The following TBCK variants were observed in gnomAD, a reference collection of about 807,000 sequenced individuals.
The protein encoded by TBCK is TBC domain-containing protein kinase-like protein.
In TBCK, 99 loss-of-function variants were observed where a neutral mutation model predicts 113.4. The ratio of observed to expected loss-of-function variants is 0.87; its 90% confidence interval spans 0.74 to 1.03. The LOEUF (loss-of-function observed/expected upper bound fraction) is 1.03, where lower values mean the gene tolerates loss of function less well. Ranked by LOEUF, TBCK falls within the 50% of genes least tolerant of loss-of-function variation. The pLI is 0.00. For synonymous variants in TBCK, 369 were observed against 370.8 expected (o/e 1.00, Z 0.05); for missense variants, 1,045 against 1,061.3 (o/e 0.98, Z 0.21).
intron 19 of TBCK, 82 bp from the exon 20 acceptor site, chr4:106,212,917 C>A: frequency 1.1e-6 from 1 of 880,460 alleles, no homozygotes; most frequent in Non-Finnish European, 1.8e-6. Context: ...TTTATTTATA[C>A]ATTGAATGAG....
chr4:106,199,717 G>A (rs1754667706), intron 20 of TBCK, among the ~76,000 whole-genome samples: 2 of 152,086 alleles, frequency 1.3e-5, no homozygotes, highest in South Asian at 4.2e-4. Context: ...CTCACACACT[G>A]TATATTTGTC....
intron 23 of TBCK, among the ~76,000 whole-genome samples, chr4:106,164,993 A>T (rs375395351): frequency 2.6e-5 from 4 of 151,476 alleles, no homozygotes; most frequent in East Asian, 1.9e-4. Flanking sequence ...TAAAAAAATT[A>T]ATTTAATAAA....
intron 19 of TBCK, among the ~76,000 whole-genome samples, chr4:106,214,416 T>C (rs570588082): frequency 2.6e-5 from 4 of 151,950 alleles, no homozygotes; most frequent in Admixed American, 6.6e-5. Context: ...CAAATTACTC[T>C]GAGCTACGGG....
At position 106,194,744 on chromosome 4, in the gene TBCK, A is replaced by G; in HGVS notation, c.1871T>C (p.Ile624Thr). Residue 624 changes from isoleucine to threonine, a missense_variant, in exon 21 of 26, where the codon ATC becomes ACC. Transcript: ENST00000394708. ...AGTAAACATGGTAAGAAACCAAGGG[A>G]TGGCATAGAGCTATGAGTGGAAAAA... ...EIGFIPDLYAIPWFLTMFTHV... is the reference protein window; with the variant it reads ...EIGFIPDLYATPWFLTMFTHV... 1.9e-6 allele frequency: 3 copies of G among 1,586,408 alleles called. No homozygotes were observed. The highest frequency in any genetic ancestry group is 1.2e-5 in the South Asian group (1 of 86,274).
chr4:106,161,133 A>C (rs1579086170), intron 23 of TBCK, among the ~76,000 whole-genome samples: 1 of 152,200 alleles, frequency 6.6e-6, no homozygotes, highest in East Asian at 1.9e-4. Flanking sequence ...TGATGGTTGC[A>C]CAACATTATG....
At chr4:106,191,923 T>G (rs1034874388) in intron 22 of TBCK, among the ~76,000 whole-genome samples, 1 of 152,176 alleles carries the variant, frequency 6.6e-6, no homozygotes, top group Non-Finnish European at 1.5e-5. Context: ...AATTTCATTT[T>G]TAAGGCCTAA....
At chr4:106,242,625 C>G in intron 11 of TBCK, 56 bp from the exon 12 acceptor site, 1 of 1,274,906 alleles carries the variant, frequency 7.8e-7, no homozygotes, top group Non-Finnish European at 1.1e-6. Context: ...ATTGTTTCTT[C>G]TAGAAAGTAA....
chr4:106,179,893 A>G (rs1226990279), intron 22 of TBCK, among the ~76,000 whole-genome samples: 2 of 151,924 alleles, frequency 1.3e-5, no homozygotes, highest in Non-Finnish European at 2.9e-5. Context: ...AGGTTAATTA[A>G]TATTTGTTTT....
chr4:106,316,406 GT>G, upstream of TBCK: 1 of 761,242 alleles, frequency 1.3e-6, no homozygotes, highest in South Asian at 1.6e-5. Context: ...GACGAGGAGC[GT>G]GGTATGGCAG....
intron 1 of TBCK, among the ~76,000 whole-genome samples, chr4:106,312,626 A>G (rs531978633): frequency 2.6e-5 from 4 of 152,324 alleles, no homozygotes; most frequent in Admixed American, 2.6e-4. Flanking sequence ...ACATTTGTCC[A>G]TAAAAAAAAA....
intron 24 of TBCK, among the ~76,000 whole-genome samples, chr4:106,107,951 A>AC (rs1742372904): frequency 1.3e-5 from 2 of 152,152 alleles, no homozygotes; most frequent in South Asian, 4.1e-4. Flanking sequence ...GTAACCACTG[A>AC]CCCCACAGAA....
At chr4:106,277,064 T>C (rs557984198) in intron 3 of TBCK, among the ~76,000 whole-genome samples, 1 of 152,196 alleles carries the variant, frequency 6.6e-6, no homozygotes, top group South Asian at 2.1e-4. Flanking sequence ...TGTGATGATA[T>C]GAATACCTAA....
At chr4:106,103,946 C>A (rs1301751684) in intron 24 of TBCK, among the ~76,000 whole-genome samples, 1 of 152,178 alleles carries the variant, frequency 6.6e-6, no homozygotes, top group African/African-American at 2.4e-5. Context: ...AGTGAATGAA[C>A]GGCCCCAGAA....
rs1746839453 is a variant in TBCK, at chr4:106,138,657, G to A, written c.2236-22279C>T. 1.4e-5 allele frequency among the ~76,000 whole-genome samples: 2 copies of A among 141,086 alleles called. 1 individual carries two copies. Among genetic ancestry groups the A allele is most frequent in the Non-Finnish European group, 3.2e-5 (2 of 62,156 alleles). 92.6% of individuals were successfully genotyped at this position (141,086 alleles called of 152,430 possible). A position where few individuals can be genotyped will look rare whatever the true frequency, so the allele number is the denominator to read the frequency against. On this transcript the variant is annotated intron_variant, in intron 23 of 25. Transcript: ENST00000394708. ...AAACAGGGTCAAAGTGGCAATGTAG[G>A]GTGGTGTTGGTGTTGGTGTTGCTTT... is the stretch of plus-strand genomic sequence containing the variant.
chr4:106,314,766 A>C (rs1305716318), intron 1 of TBCK, among the ~76,000 whole-genome samples: 1 of 151,540 alleles, frequency 6.6e-6, no homozygotes, highest in African/African-American at 2.4e-5. Context: ...CTGGGATTAC[A>C]GGCGCCCGCC....
chr4:106,058,448 T>A lies in TBCK; in HGVS notation c.2572-11768A>T, dbSNP rs560065803. Among the ~76,000 whole-genome samples the A allele has an allele frequency of 2.6e-5, 4 of 151,858 alleles. No individual in the cohort carries two copies. In the South Asian group the frequency reaches 8.3e-4, roughly 31 times the overall value. ...TAAGTAAAAGATTTTCTATGAGGATTTAAGAGTGATACTTAGTTCCAGACT... is the reference window on the plus strand; with the variant it reads ...TAAGTAAAAGATTTTCTATGAGGATATAAGAGTGATACTTAGTTCCAGACT... On this transcript the variant is annotated intron_variant, in intron 25 of 25. Coordinates refer to ENST00000394708, the MANE Select transcript of TBCK (RefSeq NM_001163435.3).
intron 25 of TBCK, among the ~76,000 whole-genome samples, chr4:106,092,382 C>G (rs1420404628): frequency 1.3e-5 from 2 of 152,256 alleles, no homozygotes; most frequent in Non-Finnish European, 2.9e-5. Flanking sequence ...GCCTGCCAGT[C>G]CCACACCGTG....
intron 25 of TBCK, among the ~76,000 whole-genome samples, chr4:106,064,110 A>G (rs962892119): frequency 2.6e-5 from 4 of 151,914 alleles, no homozygotes; most frequent in Non-Finnish European, 5.9e-5. Context: ...CTTCCAACCT[A>G]TCATCTACAG....
At position 106,045,892 on chromosome 4, in the gene TBCK, G is replaced by T. The variant is rs1039690878; in HGVS notation, c.*678C>A. 4 of 152,198 alleles carry T rather than the reference G, an allele frequency of 2.6e-5. No homozygotes were observed. The highest frequency in any genetic ancestry group is 9.7e-5 in the African/African-American group (4 of 41,446). The allele number at this position is 152,198 out of a possible 1,614,324, so 9.4% of individuals were successfully genotyped here. ...AGACTAGCCCTGGACTGACTGTACAGACTTTCATGTGATAAAGAAACTAGA... is the reference window on the plus strand; with the variant it reads ...AGACTAGCCCTGGACTGACTGTACATACTTTCATGTGATAAAGAAACTAGA... On this transcript the variant is annotated 3_prime_UTR_variant, in exon 26 of 26. Transcript: ENST00000394708.
Sources: gnomAD v4.1 joint callset for allele counts (sites outside exome capture counted in the v4.1 genomes callset) on GRCh38, gnomAD v4.1.1 for gene constraint, MANE v1.5 for transcripts, NCBI Gene and HGNC (gene_info 2026-07-23, HGNC 2026-07-21) for gene names.